Variants in CPNE9 observed in about 807,000 individuals in gnomAD.
CPNE9 encodes copine-9.
Under a neutral mutation model 83.0 loss-of-function variants are expected in CPNE9, and 59 were observed. That is an observed-to-expected ratio of 0.71 (90% CI 0.58 to 0.88). CPNE9 has a LOEUF of 0.88. Ranked by LOEUF, CPNE9 falls within the 40% of genes least tolerant of loss-of-function variation. The pLI is 0.00. For synonymous variants in CPNE9, 256 were observed against 273.4 expected, an observed-to-expected ratio of 0.94 and a Z score of 0.63; for missense variants, 619 against 720.8, an observed-to-expected ratio of 0.86 and a Z score of 1.62.
chr3:9,705,429 A>ACCCCC, intron 4 of CPNE9, 35 bp from the exon 5 acceptor site: 8 of 286,630 alleles, frequency 2.8e-5, no homozygotes, highest in South Asian at 7.6e-5. Flanking sequence ...TCCCCCACCC[A>ACCCCC]GCCCCACCCC....
rs2076553289 is a variant in CPNE9, at chr3:9,705,444, C to G, written c.261-20C>G. ...TCCCCCACCCAGCCCCACCCCACAC[C>G]GGTTCCACTCTTTTCCCAGGTACAA... On this transcript the variant is annotated intron_variant, in intron 4 of 20. Transcript: ENST00000383832. The G allele has an allele frequency of 3.3e-6, 5 of 1,514,556 alleles. No homozygotes were observed. The highest frequency in any genetic ancestry group is 4.5e-6 in the Non-Finnish European group (5 of 1,114,146). 93.8% of individuals were successfully genotyped at this position (1,514,556 alleles called of 1,614,324 possible).
At chr3:9,705,430 G>GCC in intron 4 of CPNE9, 34 bp from the exon 5 acceptor site, 2 of 351,184 alleles carry the variant, frequency 5.7e-6, no homozygotes, top group South Asian at 6.1e-5. Flanking sequence ...CCCCCACCCA[G>GCC]CCCCACCCCA....
chr3:9,705,533 C>A (rs759848118), intron 5 of CPNE9, 33 bp downstream of exon 5: 7 of 1,607,662 alleles, frequency 4.4e-6, no homozygotes, highest in African/African-American at 4.0e-5. Context: ...GTTGGCGGAG[C>A]GCACAGGAGG....
At chr3:9,714,821 G>T (rs2076665065) in intron 10 of CPNE9, 93 bp from the exon 11 acceptor site, 3 of 1,037,410 alleles carry the variant, frequency 2.9e-6, no homozygotes, top group Non-Finnish European at 4.4e-6. Context: ...CAGATGGGTG[G>T]ATGGGGAGAT....
chr3:9,719,655 A>G (rs188502041), intron 17 of CPNE9, among the ~76,000 whole-genome samples: 5 of 152,272 alleles, frequency 3.3e-5, no homozygotes, highest in Admixed American at 3.3e-4. Context: ...CATAAATGAT[A>G]AGTTAAAAAC....
At chr3:9,724,627 T>G (rs2076761357) in intron 17 of CPNE9, among the ~76,000 whole-genome samples, 1 of 152,190 alleles carries the variant, frequency 6.6e-6, no homozygotes, top group South Asian at 2.1e-4. Flanking sequence ...TCCCCCTTCC[T>G]AGAAAGATCC....
intron 20 of CPNE9, chr3:9,727,578 G>A: frequency 1.7e-6 from 1 of 602,850 alleles, no homozygotes. Context: ...CCTAAGGGAG[G>A]GGATAAGCAT....
intron 7 of CPNE9, among the ~76,000 whole-genome samples, chr3:9,710,787 G>A (rs1432471741): frequency 1.3e-5 from 2 of 152,200 alleles, no homozygotes; most frequent in Non-Finnish European, 2.9e-5. Flanking sequence ...CACTTTGGGA[G>A]GCTGAGGCAG....
chr3:9,713,837 C>T (rs759582780), intron 10 of CPNE9, among the ~76,000 whole-genome samples: 15 of 151,748 alleles, frequency 9.9e-5, no homozygotes, highest in Non-Finnish European at 1.9e-4. Context: ...TTTGGGAGGC[C>T]GAGACGGGCA....
intron 7 of CPNE9, among the ~76,000 whole-genome samples, chr3:9,709,731 AGGAGGCCGAGGCCTCCTAAAGGT>A (rs1020020593): frequency 4.6e-5 from 7 of 151,872 alleles, no homozygotes; most frequent in Non-Finnish European, 7.4e-5. Flanking sequence ...CGAGCACTTT[AGGAGGCCGAGGCCTCCTAAAGGT>A]GGAGGCAGGT....
chr3:9,712,256 G>A (rs1559638675), intron 7 of CPNE9, among the ~76,000 whole-genome samples: 2 of 152,174 alleles, frequency 1.3e-5, no homozygotes, highest in Non-Finnish European at 2.9e-5. Flanking sequence ...AACTTGCCCA[G>A]GGTCACACAG....
Position 9,715,104 on chromosome 3 carries a change from C to T in CPNE9, c.692+149C>T, listed in dbSNP as rs140881981. The T allele has an allele frequency of 2.0e-4, 178 of 909,954 alleles. No individual in the cohort carries two copies. In the African/African-American group the frequency reaches 2.7e-3, roughly 14 times the overall value. The allele number at this position is 909,954 out of a possible 1,614,324, so 56.4% of individuals were successfully genotyped here. ...AGTGTCTTGGGTACAACTGATCCCC[C>T]CAATTGTCTCTCTGGACACTGTCTC... On this transcript the variant is annotated intron_variant, in intron 11 of 20. Transcript: ENST00000383832.
intron 17 of CPNE9, 117 bp downstream of exon 17, chr3:9,718,719 G>A: frequency 8.0e-7 from 1 of 1,257,328 alleles, no homozygotes; most frequent in African/African-American, 1.5e-5. Context: ...AAACAGGAGA[G>A]GCCAGGCATG....
At chr3:9,716,397 G>C (rs1315607664) in intron 14 of CPNE9, among the ~76,000 whole-genome samples, 6 of 152,162 alleles carry the variant, frequency 3.9e-5, no homozygotes, top group Admixed American at 2.0e-4. Flanking sequence ...ATTCTGTTTG[G>C]TTTGGTGGAG....
rs149436867 is a variant in CPNE9 at position 9,710,244 on chromosome 3, C to T, written c.378-2297C>T. Among the ~76,000 whole-genome samples the T allele has an allele frequency of 1.5e-3, 231 of 152,288 alleles. 1 individual carries two copies. Among genetic ancestry groups the T allele is most frequent in the Non-Finnish European group, 2.6e-3 (180 of 68,038 alleles). ...ATGTAATAAAAAGAGGTGAGCATTA[C>T]TGAAGTGATGTTCTCGTGCAGACAA... On this transcript the variant is annotated intron_variant, in intron 7 of 20. Transcript: ENST00000383832.
chr3:9,706,058 C>A lies in CPNE9; in HGVS notation c.372C>A (p.Thr124=), dbSNP rs775721880. The A allele has an allele frequency of 6.2e-7, 1 of 1,613,330 alleles. No individual in the cohort carries two copies. The highest frequency in any genetic ancestry group is 1.1e-5 in the South Asian group (1 of 91,066). Residue 124 remains threonine (T), a synonymous_variant, in exon 7 of 21, where the codon ACC becomes ACA. Coordinates refer to ENST00000383832, the MANE Select transcript of CPNE9 (RefSeq NM_153635.3). ...IGGQGSRVER[T]LTGVPGKKCG... is the part of the protein sequence containing the mutation. ...GCCAGGGCAGCCGAGTAGAGCGAAC[C>A]CTCACGTAAGCTGAATAGGAAGGGG...
At chr3:9,725,456 G>A (rs2076768573) in intron 17 of CPNE9, among the ~76,000 whole-genome samples, 1 of 151,816 alleles carries the variant, frequency 6.6e-6, no homozygotes, top group African/African-American at 2.4e-5. Context: ...GATCACCTGA[G>A]CCCGGGAGGT....
At position 9,713,084 on chromosome 3, in the gene CPNE9, G is replaced by A; in HGVS notation, c.650+5G>A. 1 of 1,608,934 alleles carries A rather than the reference G, an allele frequency of 6.2e-7. No individual in the cohort carries two copies. Among genetic ancestry groups the A allele is most frequent in the Non-Finnish European group, 8.5e-7 (1 of 1,175,420 alleles). ...GTGCAATGGAGACTATGACAGGTTGGCTCCAGCATAAGCTGGGGAGTAAGG... is the reference window on the plus strand; with the variant it reads ...GTGCAATGGAGACTATGACAGGTTGACTCCAGCATAAGCTGGGGAGTAAGG... On this transcript the variant is annotated splice_donor_5th_base_variant and intron_variant, in intron 10 of 20. Coordinates refer to ENST00000383832, the MANE Select transcript of CPNE9 (RefSeq NM_153635.3).
At chr3:9,714,612 C>A in intron 10 of CPNE9, among the ~76,000 whole-genome samples, 1 of 118,654 alleles carries the variant, frequency 8.4e-6, no homozygotes, top group African/African-American at 2.9e-5. Flanking sequence ...GAGAAAAATG[C>A]CTGGAATACA....
Sources: gnomAD v4.1 joint callset for allele counts (sites outside exome capture counted in the v4.1 genomes callset) on GRCh38, gnomAD v4.1.1 for gene constraint, MANE v1.5 for transcripts, NCBI Gene and HGNC (gene_info 2026-07-23, HGNC 2026-07-21) for gene names.